The following NAV3 variants were observed in gnomAD, a reference collection of about 807,000 sequenced individuals.
NAV3 encodes neuron navigator 3.
In NAV3, 87 loss-of-function variants were observed where a neutral mutation model predicts 244.7. The ratio of observed to expected loss-of-function variants is 0.36; its 90% CI spans 0.30 to 0.42. The LOEUF is 0.42. NAV3 is among the 20% of genes least tolerant of loss of function. The probability of loss-of-function intolerance (pLI) is 1.00; values close to 1 mark genes in which losing one functional copy is unlikely to be tolerated. For missense variants in NAV3, 2,663 were observed against 2,893.3 expected (o/e 0.92, Z 1.83); for synonymous variants, 1,126 against 1,042.2 (o/e 1.08, Z -1.55).
intron 2 of NAV3, among the ~76,000 whole-genome samples, chr12:77,710,835 A>T (rs1876074613): frequency 6.6e-6 from 1 of 152,218 alleles, no homozygotes; most frequent in South Asian, 2.1e-4. Context: ...TTGGCAATAG[A>T]TTAAATGAAC....
chr12:78,165,921 G>GT (rs1399390580), intron 23 of NAV3, among the ~76,000 whole-genome samples: 1 of 149,580 alleles, frequency 6.7e-6, no homozygotes, highest in Non-Finnish European at 1.5e-5. Flanking sequence ...AGTTTTTGAT[G>GT]TTTTTTATAT....
chr12:77,843,746 T>C (rs1223646007), intron 1 of NAV3, among the ~76,000 whole-genome samples: 1 of 151,858 alleles, frequency 6.6e-6, no homozygotes, highest in Non-Finnish European at 1.5e-5. Flanking sequence ...CGATCAAAAA[T>C]ATATCCAGAC....
chr12:77,944,879 C>T lies in NAV3; in HGVS notation c.414+3746C>T, dbSNP rs928121634. Among the ~76,000 whole-genome samples, 3 of 152,152 alleles carry T rather than the reference C, an allele frequency of 2.0e-5. No homozygotes were observed. In the South Asian group the frequency reaches 6.2e-4, roughly 32 times the overall value. ...GCTGAAGCTCTAATACGTGGACTAC[C>T]CCAGCAAGTCAGGGCAAAGTAAGAT... is the stretch of plus-strand genomic sequence containing the variant. On this transcript the variant is annotated intron_variant, in intron 3 of 39. Transcript: ENST00000397909.
Position 78,210,906 on chromosome 12 carries a change from C to T in NAV3, c.*389C>T, listed in dbSNP as rs868626541. On this transcript the variant is annotated 3_prime_UTR_variant, in exon 40 of 40. Coordinates refer to ENST00000397909, the MANE Select transcript of NAV3 (RefSeq NM_001024383.2). ...CTTTTGTTTCCTCTGAGGGGCTGTT[C>T]GCCCCAGGCAGGGTCCATCTTTCTG... 2.9e-5 allele frequency: 6 copies of T among 207,730 alleles called. No individual in the cohort carries two copies. The highest frequency in any genetic ancestry group is 1.6e-4 in the South Asian group (2 of 12,578). The allele number at this position is 207,730 out of a possible 1,614,324, so 12.9% of individuals were successfully genotyped here.
intron 37 of NAV3, 36 bp from the exon 38 acceptor site, chr12:78,200,437 A>G: frequency 7.8e-7 from 1 of 1,281,930 alleles, no homozygotes; most frequent in East Asian, 2.4e-5. Flanking sequence ...TATTAAATAT[A>G]ACTCTTAAAA....
chr12:77,989,101 T>C lies in NAV3; in HGVS notation c.672-5702T>C, dbSNP rs141926759. Among the ~76,000 whole-genome samples, 189 of 152,262 alleles carry C rather than the reference T, an allele frequency of 1.2e-3. 2 individuals are homozygous for C. Among genetic ancestry groups the C allele is most frequent in the African/African-American group, 4.2e-3 (174 of 41,578 alleles). Reference sequence around the variant, plus strand: ...TGAACCACAAGATTTGATATTTCTGTCCTCCCTCTATTACTAGTGATTTTT... The same window carrying C: ...TGAACCACAAGATTTGATATTTCTGCCCTCCCTCTATTACTAGTGATTTTT... On this transcript the variant is annotated intron_variant, in intron 5 of 39. Transcript: ENST00000397909.
At chr12:78,123,038 A>G (rs1955745150) in intron 16 of NAV3, among the ~76,000 whole-genome samples, 1 of 152,124 alleles carries the variant, frequency 6.6e-6, no homozygotes, top group African/African-American at 2.4e-5. Flanking sequence ...CTTTATATAT[A>G]TATATAAACT....
chr12:78,153,602 CG>C (rs1565730055), intron 22 of NAV3, among the ~76,000 whole-genome samples: 1 of 151,944 alleles, frequency 6.6e-6, no homozygotes, highest in Non-Finnish European at 1.5e-5. Context: ...TGTCTTTTAA[CG>C]TATTTTCTTT....
intron 1 of NAV3, among the ~76,000 whole-genome samples, chr12:77,887,211 G>GAA (rs936449413): frequency 3.3e-5 from 5 of 152,060 alleles, no homozygotes; most frequent in Admixed American, 6.6e-5. Flanking sequence ...TAAATGCTAT[G>GAA]AAAAAATTCT....
chr12:77,732,414 G>A (rs958640329), intron 2 of NAV3, among the ~76,000 whole-genome samples: 10 of 151,982 alleles, frequency 6.6e-5, no homozygotes, highest in African/African-American at 2.2e-4. Context: ...AGGTGCTTCC[G>A]TGGGTGGGTG....
chr12:77,827,146 T>C (rs1280715228), upstream of NAV3, among the ~76,000 whole-genome samples: 4 of 146,062 alleles, frequency 2.7e-5, no homozygotes, highest in African/African-American at 1.0e-4. Flanking sequence ...GGCATGAGAA[T>C]CGCTTGAACC....
chr12:77,808,079 C>A (rs1479278091), intron 2 of NAV3, among the ~76,000 whole-genome samples: 3 of 152,118 alleles, frequency 2.0e-5, no homozygotes. Context: ...ATTCTTCTAA[C>A]CTTTTTGCAA....
At chr12:77,696,065 G>T (rs948238214) in intron 2 of NAV3, among the ~76,000 whole-genome samples, 1 of 152,142 alleles carries the variant, frequency 6.6e-6, no homozygotes, top group Non-Finnish European at 1.5e-5. Context: ...ACAGTAGAAA[G>T]ATTAGCTACT....
Position 78,150,043 on chromosome 12 carries a change from A to T in NAV3, c.4785+1124A>T, listed in dbSNP as rs754784318. Among the ~76,000 whole-genome samples the T allele has an allele frequency of 2.0e-5, 3 of 152,112 alleles. No individual in the cohort carries two copies. In the East Asian group the frequency reaches 5.8e-4, roughly 29 times the overall value. On this transcript the variant is annotated intron_variant, in intron 22 of 39. Transcript: ENST00000397909. Reference sequence around the variant, plus strand: ...TCCTGAAAATAATAGCAGTTTTTAGATAATTGTTTAAGCAATATGAGAAAA... The same window carrying T: ...TCCTGAAAATAATAGCAGTTTTTAGTTAATTGTTTAAGCAATATGAGAAAA...
intron 2 of NAV3, among the ~76,000 whole-genome samples, chr12:77,762,617 A>C (rs943963209): frequency 5.9e-5 from 9 of 152,208 alleles, no homozygotes; most frequent in African/African-American, 2.2e-4. Context: ...AGAAAAAAAA[A>C]AATTAAAAAG....
At chr12:77,638,481 A>C (rs958827566) in intron 2 of NAV3, among the ~76,000 whole-genome samples, 1 of 152,224 alleles carries the variant, frequency 6.6e-6, no homozygotes, top group African/African-American at 2.4e-5. Flanking sequence ...GCAGTGCTGC[A>C]TCTGCTTTCT....
intron 17 of NAV3, 110 bp from the exon 18 acceptor site, chr12:78,128,596 G>A: frequency 9.1e-7 from 1 of 1,102,038 alleles, no homozygotes; most frequent in Admixed American, 2.4e-5. Context: ...GATTCAATCT[G>A]TTTGAAATTG....
chr12:77,756,450 A>G (rs1869183471), intron 2 of NAV3, among the ~76,000 whole-genome samples: 1 of 152,110 alleles, frequency 6.6e-6, no homozygotes, highest in African/African-American at 2.4e-5. Context: ...TTGTGAACAT[A>G]GGAATGAAGG....
chr12:77,684,873 C>T (rs1187627092), intron 2 of NAV3, among the ~76,000 whole-genome samples: 1 of 152,020 alleles, frequency 6.6e-6, no homozygotes, highest in East Asian at 1.9e-4. Context: ...TTTTTCCATA[C>T]AGATATATAT....
Sources: allele counts gnomAD v4.1 joint callset (sites outside exome capture counted in the v4.1 genomes callset), GRCh38; gene constraint gnomAD v4.1.1; transcripts MANE v1.5; gene names NCBI Gene and HGNC (gene_info 2026-07-23, HGNC 2026-07-21).